C2CD3: variants seen among roughly 807,000 people sequenced by gnomAD.
C2CD3 encodes C2 domain containing 3 centriole elongation regulator, also known as C2 domain-containing protein 3.
Under a neutral mutation model 234.0 loss-of-function variants are expected in C2CD3, and 148 were observed. That is an observed-to-expected ratio of 0.63 (90% CI 0.55 to 0.72). The LOEUF (loss-of-function observed/expected upper bound fraction) is 0.72, where lower values mean the gene tolerates loss of function less well. Among genes scored for constraint, C2CD3 ranks in the 30% least tolerant of loss-of-function variants. The pLI is 0.00. For missense variants in C2CD3, 2,577 were observed against 2,811.5 expected, an observed-to-expected ratio of 0.92 and a Z score of 1.89; for synonymous variants, 1,000 against 1,035.4, an observed-to-expected ratio of 0.97 and a Z score of 0.66.
At chr11:74,074,104 T>C in intron 24 of C2CD3, 149 bp downstream of exon 24, 1 of 660,620 alleles carries the variant, frequency 1.5e-6, no homozygotes, top group Non-Finnish European at 2.5e-6. Context: ...TCAGAAAAGC[T>C]TTCATGTTGC....
intron 9 of C2CD3, among the ~76,000 whole-genome samples, chr11:74,116,865 C>T (rs1365087188): frequency 8.4e-5 from 11 of 130,990 alleles, no homozygotes; most frequent in African/African-American, 1.4e-4. Flanking sequence ...TGTATATACA[C>T]GTGTATATGT....
Position 74,114,507 on chromosome 11 carries a change from C to T in C2CD3, c.1607G>A (p.Gly536Asp). The T allele has an allele frequency of 1.2e-6, 2 of 1,613,662 alleles. No homozygotes were observed. Among genetic ancestry groups the T allele is most frequent in the African/African-American group, 1.3e-5 (1 of 75,018 alleles). ...TLSVDRLALL[G>D]RTHSVRIIIE... The stretch of plus-strand genomic sequence containing the variant: ...GATGATTCTGACTGAATGTGTTCTA[C>T]CCAAAAGGGCCAGTCTATCCACACT... Residue 536 changes from glycine to aspartate, a missense_variant, in exon 10 of 33, where the codon GGT becomes GAT. By Grantham distance (94) the Gly-to-Asp change is moderately conservative. Transcript: ENST00000334126.
chr11:74,024,760 G>A (rs572192817), intron 32 of C2CD3, among the ~76,000 whole-genome samples: 1 of 152,240 alleles, frequency 6.6e-6, no homozygotes, highest in African/African-American at 2.4e-5. Flanking sequence ...GCCATCCAGT[G>A]CTGGCTGGCA....
intron 9 of C2CD3, among the ~76,000 whole-genome samples, chr11:74,117,086 GAATATATA>G (rs1957013859): frequency 2.0e-5 from 1 of 50,992 alleles, no homozygotes; most frequent in Non-Finnish European, 3.6e-5. Context: ...ATATATATAT[GAATATATA>G]TATATGAATA....
intron 7 of C2CD3, among the ~76,000 whole-genome samples, chr11:74,127,569 C>T (rs1957453142): frequency 6.7e-6 from 1 of 150,176 alleles, no homozygotes; most frequent in Non-Finnish European, 1.5e-5. Flanking sequence ...GTTGTAGTTT[C>T]CCTTGGGTAT....
At chr11:74,061,157 A>G (rs181199916) in intron 24 of C2CD3, among the ~76,000 whole-genome samples, 31 of 152,370 alleles carry the variant, frequency 2.0e-4, no homozygotes, top group Admixed American at 5.2e-4. Context: ...TGACTGCTGT[A>G]CCTGAAAGTG....
intron 18 of C2CD3, 22 bp from the exon 19 acceptor site, chr11:74,092,610 G>C (rs776305091): frequency 1.3e-6 from 2 of 1,594,742 alleles, no homozygotes; most frequent in South Asian, 2.2e-5. Flanking sequence ...AAAAGCACAC[G>C]TTGTCAGAAG....
chr11:74,077,673 A>G (rs1955097927), intron 23 of C2CD3, among the ~76,000 whole-genome samples: 1 of 149,008 alleles, frequency 6.7e-6, no homozygotes. Flanking sequence ...AAAATACCTA[A>G]TGTAGGTGAC....
chr11:74,104,034 A>G (rs1332474026), intron 13 of C2CD3, among the ~76,000 whole-genome samples: 2 of 152,214 alleles, frequency 1.3e-5, no homozygotes, highest in Admixed American at 6.5e-5. Flanking sequence ...AATAAATATG[A>G]GAGAAGAAAC....
intron 25 of C2CD3, 76 bp downstream of exon 25, chr11:74,057,330 T>C (rs2135439196): frequency 6.7e-7 from 1 of 1,502,502 alleles, no homozygotes; most frequent in South Asian, 1.2e-5. Context: ...GTGTTGGTTA[T>C]AGTCCTTGCT....
At chr11:74,064,618 A>G (rs189939412) in intron 24 of C2CD3, among the ~76,000 whole-genome samples, 9 of 152,332 alleles carry the variant, frequency 5.9e-5, no homozygotes, top group Admixed American at 5.9e-4. Flanking sequence ...TGCCAAGACA[A>G]TCCTACGCCA....
intron 3 of C2CD3, among the ~76,000 whole-genome samples, chr11:74,156,116 T>C (rs1392302533): frequency 6.6e-6 from 1 of 151,764 alleles, no homozygotes; most frequent in Non-Finnish European, 1.5e-5. Context: ...TCTACTAAAA[T>C]ACAAAAAATT....
At position 74,045,256 on chromosome 11, in the gene C2CD3, A is replaced by G. The variant is rs976444075; in HGVS notation, c.5495+2949T>C. ...ACATGGGTTTATTTTGAGATTATCA[A>G]TTCAATTCCACTGATTTATATTTCT... On this transcript the variant is annotated intron_variant, in intron 28 of 32. Coordinates refer to ENST00000334126, the MANE Select transcript of C2CD3 (RefSeq NM_001286577.2). 2.0e-5 allele frequency among the ~76,000 whole-genome samples: 3 copies of G among 152,214 alleles called. No individual in the cohort carries two copies. The South Asian group carries it at 6.2e-4, about 32-fold the overall frequency.
At chr11:74,032,712 A>G (rs1483614259) in intron 31 of C2CD3, among the ~76,000 whole-genome samples, 1 of 152,114 alleles carries the variant, frequency 6.6e-6, no homozygotes, top group African/African-American at 2.4e-5. Context: ...ACTCTTAAAA[A>G]AAATTAGCTG....
At chr11:74,083,361 C>T (rs1565271946) in intron 22 of C2CD3, among the ~76,000 whole-genome samples, 1 of 152,148 alleles carries the variant, frequency 6.6e-6, no homozygotes. Context: ...ATAGGCAATA[C>T]CATTCAGGAC....
At chr11:74,145,576 TTTGCTTTTGTTGCAA>T (rs1855126308) in intron 3 of C2CD3, among the ~76,000 whole-genome samples, 3 of 152,198 alleles carry the variant, frequency 2.0e-5, no homozygotes, top group African/African-American at 7.2e-5. Flanking sequence ...GTTGTCAATT[TTTGCTTTTGTTGCAA>T]TTGCTTTTGT....
intron 3 of C2CD3, 84 bp downstream of exon 3, chr11:74,161,315 G>T: frequency 1.3e-6 from 1 of 755,084 alleles, no homozygotes. Context: ...AGGAGCCATG[G>T]ACCTATCCAT....
At chr11:74,065,978 G>A (rs1445285070) in intron 24 of C2CD3, among the ~76,000 whole-genome samples, 5 of 151,474 alleles carry the variant, frequency 3.3e-5, no homozygotes, top group East Asian at 2.0e-4. Flanking sequence ...ATAAGTTAAC[G>A]GGTGCAGCAC....
chr11:74,090,702 G>T, intron 20 of C2CD3, 111 bp downstream of exon 20: 1 of 1,132,212 alleles, frequency 8.8e-7, no homozygotes, highest in Non-Finnish European at 1.3e-6. Flanking sequence ...AAGAGGAGTT[G>T]TGGTTAGTGA....
Sources: allele counts gnomAD v4.1 joint callset (sites outside exome capture counted in the v4.1 genomes callset), GRCh38; gene constraint gnomAD v4.1.1; transcripts MANE v1.5; gene names NCBI Gene and HGNC (gene_info 2026-07-23, HGNC 2026-07-21).